NPAS2: variants seen among roughly 807,000 people sequenced by gnomAD.
The protein encoded by NPAS2 is neuronal PAS domain-containing protein 2.
NPAS2 carries 23 observed loss-of-function variants against 107.5 expected under a neutral mutation model. The ratio of observed to expected loss-of-function variants is 0.21; its 90% CI spans 0.15 to 0.30. NPAS2 has a LOEUF of 0.30. Ranked by LOEUF, NPAS2 falls within the 10% of genes least tolerant of loss-of-function variation. The probability of loss-of-function intolerance (pLI) is 1.00; values close to 1 mark genes in which losing one functional copy is unlikely to be tolerated. For synonymous variants in NPAS2, 403 were observed against 417.5 expected, an observed-to-expected ratio of 0.97 and a Z score of 0.42; for missense variants, 756 against 1,043.3, an observed-to-expected ratio of 0.72 and a Z score of 3.79.
rs1216378600 is a variant in NPAS2, at chr2:100,974,857, G to T, written c.1195G>T (p.Ala399Ser). The change falls in exon 13 of 21, where the codon GCC (alanine) becomes TCC (serine). Residue 399 changes from alanine (A) to serine (S), a missense_variant. This residue lies in a region of NPAS2 where 496 missense variants were observed against 594.4 expected (regional missense o/e 0.83). Coordinates refer to ENST00000335681, the MANE Select transcript of NPAS2 (RefSeq NM_002518.4). ...GCACTTTAACACACTCGACGTGGGT[G>T]CCTCGGGCCTTAATACCAGTCATTC... Reference protein sequence around the residue: ...RQHFNTLDVGASGLNTSHSPS... With the variant: ...RQHFNTLDVGSSGLNTSHSPS... The T allele has an allele frequency of 6.2e-7, 1 of 1,614,142 alleles. No individual in the cohort carries two copies. Among genetic ancestry groups the T allele is most frequent in the Non-Finnish European group, 8.5e-7 (1 of 1,179,998 alleles).
At chr2:100,852,091 T>C (rs1029160436) in intron 1 of NPAS2, among the ~76,000 whole-genome samples, 103 of 152,252 alleles carry the variant, frequency 6.8e-4, no homozygotes, top group African/African-American at 2.3e-3. Flanking sequence ...TAACTTGCCT[T>C]GGGTTTAGCA....
intron 2 of NPAS2, among the ~76,000 whole-genome samples, chr2:100,912,247 TA>T: frequency 9.2e-6 from 1 of 108,250 alleles, no homozygotes; most frequent in Non-Finnish European, 1.8e-5. Flanking sequence ...TTTATTTATT[TA>T]TTTATTTATT....
chr2:100,836,440 T>A (rs1267096996), intron 1 of NPAS2, among the ~76,000 whole-genome samples: 3 of 151,840 alleles, frequency 2.0e-5, no homozygotes, highest in South Asian at 2.1e-4. Flanking sequence ...TTTCAGAGAG[T>A]TCTAGGAAAC....
chr2:100,874,296 G>C (rs1450748955), intron 1 of NPAS2, among the ~76,000 whole-genome samples: 5 of 152,098 alleles, frequency 3.3e-5, no homozygotes, highest in African/African-American at 4.8e-5. Flanking sequence ...GAAAGTAATG[G>C]AGTACAACCC....
chr2:100,829,708 T>G (rs1385147717), intron 1 of NPAS2, among the ~76,000 whole-genome samples: 1 of 152,156 alleles, frequency 6.6e-6, no homozygotes, highest in East Asian at 1.9e-4. Flanking sequence ...ATAGAAGTGG[T>G]GAGAGTGGGC....
intron 1 of NPAS2, among the ~76,000 whole-genome samples, chr2:100,876,654 G>C (rs1679987230): frequency 6.6e-6 from 1 of 152,194 alleles, no homozygotes. Flanking sequence ...TGGTGGCAAG[G>C]GGAGTCTTTC....
chr2:100,842,631 A>T (rs80067332), intron 1 of NPAS2, among the ~76,000 whole-genome samples: 1 of 152,144 alleles, frequency 6.6e-6, no homozygotes, highest in African/African-American at 2.4e-5. Context: ...GACCCTACAC[A>T]GTTTCACAAA....
intron 1 of NPAS2, among the ~76,000 whole-genome samples, chr2:100,823,110 T>C (rs1003566543): frequency 6.6e-6 from 1 of 152,146 alleles, no homozygotes; most frequent in Non-Finnish European, 1.5e-5. Flanking sequence ...TGAGCTGAAT[T>C]GTTGGTGGTC....
rs1676150342 is a variant in NPAS2, at chr2:100,965,295, C to G, written c.800+352C>G. Among the ~76,000 whole-genome samples the G allele has an allele frequency of 6.6e-6, 1 of 152,118 alleles. No homozygotes were observed. Reference sequence around the variant, plus strand: ...TCTTTTAGCCCAATCTTTACTGTTTCTTTTGTAACATTATTTGCAGTTGAA... The same window carrying G: ...TCTTTTAGCCCAATCTTTACTGTTTGTTTTGTAACATTATTTGCAGTTGAA... On this transcript the variant is annotated intron_variant, in intron 9 of 20. Coordinates refer to ENST00000335681, the MANE Select transcript of NPAS2 (RefSeq NM_002518.4). This position sits in a 1 kb window ranked among gnomAD's most constrained non-coding sequence, Gnocchi z 4.3.
chr2:100,874,218 C>T (rs1164956438), intron 1 of NPAS2, among the ~76,000 whole-genome samples: 1 of 151,996 alleles, frequency 6.6e-6, no homozygotes, highest in East Asian at 1.9e-4. Context: ...CTCATGACCT[C>T]AAGCAATCCG....
At chr2:100,880,776 CAAT>C (rs55670894) in intron 1 of NPAS2, among the ~76,000 whole-genome samples, 5,936 of 152,194 alleles carry the variant, frequency 0.039, 229 homozygotes, top group African/African-American at 0.097. Flanking sequence ...TCAATTTAAA[CAAT>C]AATCTGAGGG....
intron 2 of NPAS2, among the ~76,000 whole-genome samples, chr2:100,913,338 G>A (rs1682670335): frequency 6.6e-6 from 1 of 152,138 alleles, no homozygotes; most frequent in South Asian, 2.1e-4. Flanking sequence ...TTTAATTTAT[G>A]AGCTTTCACT....
intron 14 of NPAS2, chr2:100,975,817 CA>C (rs1352485278): frequency 1.5e-5 from 6 of 405,014 alleles, no homozygotes; most frequent in Middle Eastern, 6.3e-4. Flanking sequence ...GGATTAAAGG[CA>C]AAACTGCAAA....
chr2:100,961,486 C>T (rs1422951766), intron 7 of NPAS2, among the ~76,000 whole-genome samples: 1 of 152,140 alleles, frequency 6.6e-6, no homozygotes, highest in Non-Finnish European at 1.5e-5. Flanking sequence ...AGAGAAGTTG[C>T]CCCGTTCTGG....
Position 100,971,056 on chromosome 2 carries a change from C to T in NPAS2, c.1122C>T (p.Leu374=). The T allele has an allele frequency of 6.2e-7, 1 of 1,614,132 alleles. No individual in the cohort carries two copies. Among genetic ancestry groups the T allele is most frequent in the Non-Finnish European group, 8.5e-7 (1 of 1,179,996 alleles). ...TGGAAGACCCGCCATCCGAGGCCCT[C>T]CACTCCTCAGCACTAAAGGTACGCC... The part of the protein sequence containing the change: ...LALEDPPSEA[L]HSSALKDKGS... Residue 374 remains leucine (L), a synonymous_variant, in exon 12 of 21, where the codon CTC becomes CTT. Coordinates refer to ENST00000335681, the MANE Select transcript of NPAS2 (RefSeq NM_002518.4).
At chr2:100,916,415 T>C (rs1682884541) in intron 2 of NPAS2, among the ~76,000 whole-genome samples, 1 of 152,136 alleles carries the variant, frequency 6.6e-6, no homozygotes, top group Non-Finnish European at 1.5e-5. Context: ...TGGAAAATGA[T>C]ATACCAAACA....
intron 5 of NPAS2, 151 bp from the exon 6 acceptor site, chr2:100,948,084 T>G: frequency 1.3e-6 from 1 of 798,376 alleles, no homozygotes; most frequent in Non-Finnish European, 2.0e-6. Flanking sequence ...AACAATGGAG[T>G]GATAAACTGA....
chr2:100,987,422 G>A (rs1159518773), intron 16 of NPAS2: 6 of 152,206 alleles, frequency 3.9e-5, no homozygotes, highest in Non-Finnish European at 7.3e-5. Context: ...TACAAAACTT[G>A]AACATAATTT....
Position 100,979,140 on chromosome 2 carries a change from C to T in NPAS2, c.1482+1341C>T, listed in dbSNP as rs948480561. Reference sequence around the variant, plus strand: ...TCCTGGAGTAAGACACATGCTAACGCGTGCTGCTTGCCAGAGTCAGGCTTG... The same window carrying T: ...TCCTGGAGTAAGACACATGCTAACGTGTGCTGCTTGCCAGAGTCAGGCTTG... On this transcript the variant is annotated intron_variant, in intron 15 of 20. Coordinates refer to ENST00000335681, the MANE Select transcript of NPAS2 (RefSeq NM_002518.4). Among the ~76,000 whole-genome samples, 11 of 152,122 alleles carry T rather than the reference C, an allele frequency of 7.2e-5. No homozygotes were observed. In the East Asian group the frequency reaches 9.6e-4, roughly 13 times the overall value.
Sources: gnomAD v4.1 joint callset for allele counts (sites outside exome capture counted in the v4.1 genomes callset) on GRCh38, gnomAD v4.1.1 for gene constraint, gnomAD v4.1.1 regional missense constraint, Gnocchi (gnomAD v3.1) non-coding constraint, MANE v1.5 for transcripts, NCBI Gene and HGNC (gene_info 2026-07-23, HGNC 2026-07-21) for gene names.